MYRIP: variants seen among roughly 807,000 people sequenced by gnomAD.
MYRIP encodes rab effector MyRIP.
MYRIP carries 49 observed loss-of-function variants against 98.0 expected under a neutral mutation model. That is an observed-to-expected ratio of 0.50 (90% CI 0.40 to 0.63). The LOEUF (loss-of-function observed/expected upper bound fraction) is 0.63. Among genes scored for constraint, MYRIP ranks in the 30% least tolerant of loss-of-function variants. The pLI, the probability that MYRIP is intolerant of heterozygous loss-of-function variation, is 0.00. For missense variants in MYRIP, 1,004 were observed against 1,058.2 expected (o/e 0.95, Z 0.71); for synonymous variants, 404 against 409.5 (o/e 0.99, Z 0.16).
chr3:40,241,074 A>G (rs1041155978), intron 12 of MYRIP, among the ~76,000 whole-genome samples: 1 of 152,220 alleles, frequency 6.6e-6, no homozygotes, highest in East Asian at 1.9e-4. Context: ...TAGAAGGTCA[A>G]CAGAGAAGGA....
At chr3:40,151,621 G>A (rs529598970) in intron 4 of MYRIP, among the ~76,000 whole-genome samples, 14 of 152,222 alleles carry the variant, frequency 9.2e-5, no homozygotes, top group South Asian at 4.1e-4. Flanking sequence ...AGAAGGTGAT[G>A]TAGTGGGAGA....
chr3:39,928,079 G>T (rs1944457310), intron 2 of MYRIP, among the ~76,000 whole-genome samples: 1 of 151,842 alleles, frequency 6.6e-6, no homozygotes, highest in African/African-American at 2.4e-5. Context: ...CAACTTAGAT[G>T]AACTTAGAGA....
intron 3 of MYRIP, among the ~76,000 whole-genome samples, chr3:40,068,565 A>G (rs1433418928): frequency 6.6e-6 from 1 of 152,228 alleles, no homozygotes; most frequent in Non-Finnish European, 1.5e-5. Context: ...AAAATACTGT[A>G]TTCATTAATC....
chr3:40,106,602 A>G (rs1949054756), intron 3 of MYRIP, among the ~76,000 whole-genome samples: 2 of 152,092 alleles, frequency 1.3e-5, no homozygotes, highest in Non-Finnish European at 2.9e-5. Context: ...AACAGTGTCC[A>G]CTTTCCTTCT....
At chr3:40,077,636 T>C (rs1948377393) in intron 3 of MYRIP, among the ~76,000 whole-genome samples, 1 of 151,504 alleles carries the variant, frequency 6.6e-6, no homozygotes, top group Admixed American at 6.6e-5. Flanking sequence ...TTGAGCTAGA[T>C]ACAGAGTGCC....
chr3:40,074,451 TATTAAA>T (rs1447690227), intron 3 of MYRIP, among the ~76,000 whole-genome samples: 3 of 152,180 alleles, frequency 2.0e-5, no homozygotes, highest in Admixed American at 6.5e-5. Context: ...AAATGGTACA[TATTAAA>T]ATTAAAATAT....
chr3:40,000,391 A>G (rs1052507983), intron 2 of MYRIP, among the ~76,000 whole-genome samples: 2 of 152,198 alleles, frequency 1.3e-5, no homozygotes, highest in Non-Finnish European at 2.9e-5. Context: ...GTCATGCTGC[A>G]AACAGCATCT....
At chr3:40,128,203 A>C (rs574790382) in intron 3 of MYRIP, among the ~76,000 whole-genome samples, 1 of 152,332 alleles carries the variant, frequency 6.6e-6, no homozygotes, top group South Asian at 2.1e-4. Flanking sequence ...AGGGGCTTAC[A>C]TACAGGGGAG....
chr3:40,198,892 A>G (rs1951474410), intron 10 of MYRIP, among the ~76,000 whole-genome samples: 1 of 152,226 alleles, frequency 6.6e-6, no homozygotes, highest in South Asian at 2.1e-4. Context: ...AATAATTTAA[A>G]GTGGCTTACA....
At chr3:39,868,005 ACTGT>A (rs1389629752) in intron 1 of MYRIP, among the ~76,000 whole-genome samples, 1 of 152,194 alleles carries the variant, frequency 6.6e-6, no homozygotes, top group Non-Finnish European at 1.5e-5. Flanking sequence ...CTTCTCTCTC[ACTGT>A]CTTTTTGTAT....
intron 1 of MYRIP, among the ~76,000 whole-genome samples, chr3:39,840,417 C>G (rs754862658): frequency 1.3e-5 from 2 of 152,108 alleles, no homozygotes; most frequent in Non-Finnish European, 2.9e-5. Context: ...GGTCTTGACT[C>G]TATCCAGTTT....
At chr3:39,997,410 A>ACG (rs1201857761) in intron 2 of MYRIP, among the ~76,000 whole-genome samples, 2 of 151,272 alleles carry the variant, frequency 1.3e-5, no homozygotes, top group Admixed American at 1.3e-4. Context: ...AAACACCTCT[A>ACG]TGCAAATAAA....
At chr3:39,897,382 T>G (rs758544032) in intron 1 of MYRIP, among the ~76,000 whole-genome samples, 4 of 152,202 alleles carry the variant, frequency 2.6e-5, no homozygotes, top group Non-Finnish European at 5.9e-5. Flanking sequence ...GTGGGAACAA[T>G]AACCTGAGAA....
intron 1 of MYRIP, among the ~76,000 whole-genome samples, chr3:39,890,737 G>A (rs557669954): frequency 6.6e-6 from 1 of 151,908 alleles, no homozygotes; most frequent in African/African-American, 2.4e-5. Flanking sequence ...GAGGGCTGGG[G>A]AGTAGTGAAA....
At position 40,190,169 on chromosome 3, in the gene MYRIP, C is replaced by T; in HGVS notation, c.1371C>T (p.Thr457=). The T allele has an allele frequency of 6.2e-7, 1 of 1,614,144 alleles. No individual in the cohort carries two copies. The highest frequency in any genetic ancestry group is 1.1e-5 in the South Asian group (1 of 91,088). ...AGGCCATGTGCTCTGACTCGGAGAC[C>T]TCCTCCGCAGGCTCTTCCCGAGAAG... The part of the protein sequence containing the change: ...NPEAMCSDSE[T]SSAGSSREVG... The change falls in exon 10 of 17, where the codon ACC becomes ACT. Residue 457 remains threonine (T), a synonymous_variant. Coordinates refer to ENST00000302541, the MANE Select transcript of MYRIP (RefSeq NM_015460.4).
rs534225855 is a variant in MYRIP, at chr3:39,977,577, G to C, written c.111-66473G>C. On this transcript the variant is annotated intron_variant, in intron 2 of 16. Coordinates refer to ENST00000302541, the MANE Select transcript of MYRIP (RefSeq NM_015460.4). Reference sequence around the variant, plus strand: ...GATGGATGTACTGTCTCTATTAAAAGTGCTTGGCATGGTAACTTTGGGTTA... The same window carrying C: ...GATGGATGTACTGTCTCTATTAAAACTGCTTGGCATGGTAACTTTGGGTTA... 5.1e-4 allele frequency among the ~76,000 whole-genome samples: 78 copies of C among 152,296 alleles called. 1 individual carries two copies. In the South Asian group the frequency reaches 0.015, roughly 29 times the overall value.
intron 2 of MYRIP, among the ~76,000 whole-genome samples, chr3:39,975,682 T>C (rs1397089694): frequency 1.3e-5 from 2 of 152,144 alleles, no homozygotes; most frequent in Non-Finnish European, 2.9e-5. Flanking sequence ...AACAGCATGG[T>C]ACTGGTACCA....
chr3:40,034,408 C>A lies in MYRIP; in HGVS notation c.111-9642C>A, dbSNP rs1380626953. Among the ~76,000 whole-genome samples the A allele has an allele frequency of 2.0e-5, 3 of 151,976 alleles. 1 individual carries two copies. The highest frequency in any genetic ancestry group is 2.0e-4 in the Admixed American group (3 of 15,250). ...ACAAACAACCCCATCAACAAGTGGG[C>A]GAAGGATATGAACAGACACTTCTCA... On this transcript the variant is annotated intron_variant, in intron 2 of 16. Coordinates refer to ENST00000302541, the MANE Select transcript of MYRIP (RefSeq NM_015460.4).
At chr3:40,239,352 G>A (rs1952926157) in intron 12 of MYRIP, among the ~76,000 whole-genome samples, 1 of 150,236 alleles carries the variant, frequency 6.7e-6, no homozygotes, top group African/African-American at 2.5e-5. Flanking sequence ...ATTGTGAATA[G>A]TGCCACAACA....
Sources: allele counts gnomAD v4.1 joint callset (sites outside exome capture counted in the v4.1 genomes callset), GRCh38; gene constraint gnomAD v4.1.1; transcripts MANE v1.5; gene names NCBI Gene and HGNC (gene_info 2026-07-23, HGNC 2026-07-21).